The following ADAM23 variants were observed in gnomAD, a reference collection of about 807,000 sequenced individuals.
The protein encoded by ADAM23 is ADAM metallopeptidase domain 23, also known as disintegrin and metalloproteinase domain-containing protein 23.
In ADAM23, 33 loss-of-function variants were observed where a neutral mutation model predicts 120.1. That is an observed-to-expected ratio of 0.27 (90% CI 0.21 to 0.37). The LOEUF is 0.37. Ranked by LOEUF, ADAM23 falls within the 10% of genes least tolerant of loss-of-function variation. The probability of loss-of-function intolerance (pLI) is 1.00; values close to 1 mark genes in which losing one functional copy is unlikely to be tolerated. For synonymous variants in ADAM23, 367 were observed against 375.2 expected, an observed-to-expected ratio of 0.98 and a Z score of 0.25; for missense variants, 862 against 1,058.2, an observed-to-expected ratio of 0.81 and a Z score of 2.57.
chr2:206,505,709 T>C (rs1212576363), intron 3 of ADAM23, among the ~76,000 whole-genome samples: 1 of 152,196 alleles, frequency 6.6e-6, no homozygotes, highest in African/African-American at 2.4e-5. Context: ...ACCTTCAACA[T>C]TGGGGATTAC....
chr2:206,490,756 C>T (rs1263714967), intron 3 of ADAM23, among the ~76,000 whole-genome samples: 1 of 152,078 alleles, frequency 6.6e-6, no homozygotes, highest in Middle Eastern at 3.2e-3. Flanking sequence ...TTCTAGAGTG[C>T]CAGGTAACTC....
intron 3 of ADAM23, among the ~76,000 whole-genome samples, chr2:206,487,943 A>T (rs981935400): frequency 1.3e-5 from 2 of 152,236 alleles, no homozygotes; most frequent in African/African-American, 4.8e-5. Flanking sequence ...CTTGGAGAGT[A>T]AGGTAGTTTC....
intron 18 of ADAM23, among the ~76,000 whole-genome samples, chr2:206,578,029 T>C (rs540022857): frequency 6.6e-6 from 1 of 152,296 alleles, no homozygotes; most frequent in East Asian, 1.9e-4. Flanking sequence ...ATGAGCATTT[T>C]TTCATGTGTT....
At chr2:206,540,414 G>A (rs995816335) in intron 4 of ADAM23, among the ~76,000 whole-genome samples, 7 of 152,154 alleles carry the variant, frequency 4.6e-5, no homozygotes, top group Non-Finnish European at 7.3e-5. Flanking sequence ...ACTTGAGTAT[G>A]TGCAGATTTG....
At chr2:206,596,779 A>T (rs1269201360) in intron 24 of ADAM23, among the ~76,000 whole-genome samples, 3 of 152,068 alleles carry the variant, frequency 2.0e-5, no homozygotes, top group Non-Finnish European at 4.4e-5. Context: ...GAAGGCCCAG[A>T]CCCTGAGGTC....
At chr2:206,567,398 A>G (rs1009222041) in intron 15 of ADAM23, 76 bp downstream of exon 15, 11 of 1,173,844 alleles carry the variant, frequency 9.4e-6, no homozygotes, top group Non-Finnish European at 1.3e-5. Context: ...GCTGGATATC[A>G]GACGCCTGTC....
intron 3 of ADAM23, among the ~76,000 whole-genome samples, chr2:206,494,464 C>G (rs186217899): frequency 1.3e-5 from 2 of 152,148 alleles, no homozygotes; most frequent in Non-Finnish European, 2.9e-5. Flanking sequence ...GAATAAGATG[C>G]AGTTCGTTTA....
intron 3 of ADAM23, among the ~76,000 whole-genome samples, chr2:206,502,958 T>A (rs925932087): frequency 6.6e-6 from 1 of 152,162 alleles, no homozygotes; most frequent in African/African-American, 2.4e-5. Flanking sequence ...CCCGTGGCTC[T>A]CCACAACCAC....
intron 4 of ADAM23, among the ~76,000 whole-genome samples, chr2:206,532,266 G>A (rs1574517118): frequency 6.6e-6 from 1 of 151,848 alleles, no homozygotes; most frequent in Non-Finnish European, 1.5e-5. Context: ...CTCAGCAAAC[G>A]AGCCACATTT....
intron 18 of ADAM23, among the ~76,000 whole-genome samples, chr2:206,580,640 A>G (rs1574546803): frequency 2.0e-5 from 3 of 152,222 alleles, no homozygotes; most frequent in Middle Eastern, 6.8e-3. Context: ...TAAGGATTTT[A>G]GCATCTGTGT....
At chr2:206,496,110 A>G (rs1053421290) in intron 3 of ADAM23, among the ~76,000 whole-genome samples, 2 of 152,164 alleles carry the variant, frequency 1.3e-5, no homozygotes, top group African/African-American at 4.8e-5. Context: ...AAAGTTAACA[A>G]GGATATCCAG....
Position 206,579,959 on chromosome 2 carries a change from A to ATT in ADAM23, c.1737+6775_1737+6776dup, listed in dbSNP as rs910268742. 4.2e-5 allele frequency among the ~76,000 whole-genome samples: 6 copies of ATT among 144,256 alleles called. No individual in the cohort carries two copies. The East Asian group carries it at 8.1e-4, about 19-fold the overall frequency. The allele number at this position is 144,256 out of a possible 152,430, so 94.6% of individuals were successfully genotyped here. The stretch of plus-strand genomic sequence containing the variant: ...CCCTTTGTTAGGTATATTCCTAAGT[A>ATT]TTTTTTTTTTTTGCAGCTATTGTAA... On this transcript the variant is annotated intron_variant, in intron 18 of 25. Coordinates refer to ENST00000264377, the MANE Select transcript of ADAM23 (RefSeq NM_003812.4).
At position 206,445,327 on chromosome 2, in the gene ADAM23, G is replaced by A; in HGVS notation, c.235G>A (p.Ala79Thr). The A allele has an allele frequency of 6.2e-7, 1 of 1,613,710 alleles. No individual in the cohort carries two copies. The highest frequency in any genetic ancestry group is 1.1e-5 in the South Asian group (1 of 91,016). ...APSAPHWNET[A>T]EKNLGVLADE... ...ACCAGCTCCGCATTGGAATGAAACT[G>A]CAGAAAAAAATTTGGGAGTCCTGGC... is the stretch of plus-strand genomic sequence containing the variant. The change falls in exon 2 of 26, where the codon GCA becomes ACA. Residue 79 changes from alanine (A) to threonine (T), a missense_variant. By Grantham distance (58) the Ala-to-Thr change is moderately conservative. Coordinates refer to ENST00000264377, the MANE Select transcript of ADAM23 (RefSeq NM_003812.4).
intron 20 of ADAM23, 57 bp downstream of exon 20, chr2:206,588,211 C>A: frequency 6.4e-7 from 1 of 1,566,014 alleles, no homozygotes; most frequent in South Asian, 1.1e-5. Context: ...TAATAGTGTT[C>A]TTCTCTGCCA....
intron 14 of ADAM23, 70 bp downstream of exon 14, chr2:206,565,138 G>A (rs1697852366): frequency 7.1e-7 from 1 of 1,401,896 alleles, no homozygotes; most frequent in East Asian, 2.3e-5. Flanking sequence ...TTAGAAACAA[G>A]GTCTCTCGGG....
chr2:206,472,651 T>A (rs973206583), intron 2 of ADAM23, among the ~76,000 whole-genome samples: 1 of 151,234 alleles, frequency 6.6e-6, no homozygotes, highest in Admixed American at 6.6e-5. Context: ...CTGAGGTACA[T>A]AAGAAAAGAG....
In ADAM23 at chr2:206,499,288, C is replaced by T. The variant is rs527934217; in HGVS notation, c.509+17980C>T. Among the ~76,000 whole-genome samples, 8 of 152,174 alleles carry T rather than the reference C, an allele frequency of 5.3e-5. No homozygotes were observed. In the East Asian group the frequency reaches 1.3e-3, roughly 26 times the overall value. ...TAGACTGGATTAAGAAAATGTGGCA[C>T]GTATACACCATATACTATGCAGCCA... is the stretch of plus-strand genomic sequence containing the variant. On this transcript the variant is annotated intron_variant, in intron 3 of 25. Transcript: ENST00000264377.
intron 2 of ADAM23, among the ~76,000 whole-genome samples, chr2:206,467,539 C>T (rs955751898): frequency 2.6e-5 from 4 of 152,230 alleles, no homozygotes; most frequent in African/African-American, 9.6e-5. Context: ...GCCTTGGCAG[C>T]CCTGCCCCTG....
intron 3 of ADAM23, among the ~76,000 whole-genome samples, chr2:206,504,480 G>A (rs1310665602): frequency 6.6e-6 from 1 of 152,080 alleles, no homozygotes; most frequent in African/African-American, 2.4e-5. Flanking sequence ...GTCTTCTCTG[G>A]CCAAGTGTAA....
Sources: allele counts gnomAD v4.1 joint callset (sites outside exome capture counted in the v4.1 genomes callset), GRCh38; gene constraint gnomAD v4.1.1; transcripts MANE v1.5; gene names NCBI Gene and HGNC (gene_info 2026-07-23, HGNC 2026-07-21).